DOCK1: variants seen among roughly 807,000 people sequenced by gnomAD.
DOCK1 encodes the protein dedicator of cytokinesis 1.
A neutral mutation model predicts 262.7 loss-of-function variants in DOCK1; 138 were observed. That is an observed-to-expected ratio of 0.53 (90% confidence interval 0.46 to 0.61). The LOEUF is 0.61. DOCK1 is among the 20% of genes least tolerant of loss of function. The pLI, the probability that DOCK1 is intolerant of heterozygous loss-of-function variation, is 0.00. For synonymous variants in DOCK1, 866 were observed against 867.4 expected (o/e 1.00, Z 0.03); for missense variants, 1,908 against 2,370.7 (o/e 0.80, Z 4.05).
intron 23 of DOCK1, among the ~76,000 whole-genome samples, chr10:127,081,440 G>A (rs542702046): frequency 2.6e-4 from 39 of 151,114 alleles, no homozygotes; most frequent in African/African-American, 9.0e-4. Context: ...TACGTTTAAT[G>A]CTTCTGTTGT....
chr10:126,996,598 G>A, intron 6 of DOCK1, 150 bp from the exon 7 acceptor site: 1 of 575,672 alleles, frequency 1.7e-6, no homozygotes, highest in Non-Finnish European at 2.7e-6. Flanking sequence ...AAAGAAAGCA[G>A]CCTCCAAGAA....
intron 23 of DOCK1, among the ~76,000 whole-genome samples, chr10:127,073,763 A>G (rs1270226005): frequency 1.3e-5 from 2 of 152,262 alleles, no homozygotes; most frequent in African/African-American, 4.8e-5. Flanking sequence ...GTAGAGCTTC[A>G]TAATGCAGAA....
At chr10:127,010,766 T>C (rs1259371278) in intron 11 of DOCK1, among the ~76,000 whole-genome samples, 1 of 152,226 alleles carries the variant, frequency 6.6e-6, no homozygotes, top group Non-Finnish European at 1.5e-5. Context: ...AAATACACCT[T>C]TGTAAAATTA....
chr10:126,960,791 T>TACAC (rs1176439067), intron 1 of DOCK1, among the ~76,000 whole-genome samples: 26 of 140,820 alleles, frequency 1.8e-4, no homozygotes, highest in African/African-American at 6.7e-4. Context: ...TATGTGTATA[T>TACAC]ACACACACAC....
intron 27 of DOCK1, among the ~76,000 whole-genome samples, chr10:127,239,621 A>G (rs984540529): frequency 6.6e-6 from 1 of 152,146 alleles, no homozygotes; most frequent in Admixed American, 6.5e-5. Context: ...CAGTTTAAAA[A>G]CACGTATAGA....
At chr10:127,219,385 A>G (rs2058336573) in intron 27 of DOCK1, among the ~76,000 whole-genome samples, 1 of 152,142 alleles carries the variant, frequency 6.6e-6, no homozygotes, top group South Asian at 2.1e-4. Context: ...CAGTTGGCCT[A>G]CTTGCTTAGG....
intron 29 of DOCK1, among the ~76,000 whole-genome samples, chr10:127,328,099 C>T (rs1041975401): frequency 3.5e-5 from 5 of 143,488 alleles, no homozygotes; most frequent in African/African-American, 1.3e-4. Context: ...GTAGCAAGCA[C>T]CTAGGCTCCT....
intron 37 of DOCK1, among the ~76,000 whole-genome samples, chr10:127,383,635 G>T (rs562789146): frequency 6.4e-4 from 97 of 152,328 alleles, no homozygotes; most frequent in African/African-American, 2.3e-3. Flanking sequence ...CCCAGCCCGT[G>T]GTTTCAGGAA....
chr10:127,027,749 T>C (rs2042966685), intron 16 of DOCK1, among the ~76,000 whole-genome samples: 1 of 151,546 alleles, frequency 6.6e-6, no homozygotes, highest in South Asian at 2.1e-4. Flanking sequence ...CACCTGACTA[T>C]TTCTGGGGCC....
intron 40 of DOCK1, 65 bp downstream of exon 40, chr10:127,404,494 T>C (rs985556242): frequency 2.0e-6 from 3 of 1,479,656 alleles, no homozygotes; most frequent in Non-Finnish European, 2.8e-6. Context: ...CCCTTCCCGT[T>C]CTGAGGAAGG....
Position 127,452,150 on chromosome 10 carries a change from G to A in DOCK1, c.*723G>A, listed in dbSNP as rs2071005823. 1 of 152,616 alleles carries A rather than the reference G, an allele frequency of 6.6e-6. No homozygotes were observed. Among genetic ancestry groups the A allele is most frequent in the Admixed American group, 6.5e-5 (1 of 15,276 alleles). The allele number at this position is 152,616 out of a possible 1,614,324, so 9.5% of individuals were successfully genotyped here. A position where few individuals can be genotyped will look rare whatever the true frequency, so the allele number is the denominator to read the frequency against. ...TACCACAAGAGCTGGTTTTAATTGG[G>A]TGAATTGTTTTTGTCCTCATTCTGT... is the stretch of plus-strand genomic sequence containing the variant. On this transcript the variant is annotated 3_prime_UTR_variant, in exon 52 of 52. Transcript: ENST00000623213.
chr10:127,122,884 C>G (rs1046917971), intron 25 of DOCK1, among the ~76,000 whole-genome samples: 2 of 152,094 alleles, frequency 1.3e-5, no homozygotes, highest in South Asian at 2.1e-4. Flanking sequence ...CAGAGTAATT[C>G]TAACAAATGA....
At chr10:127,057,363 A>G (rs184311192) in intron 22 of DOCK1, among the ~76,000 whole-genome samples, 8 of 152,354 alleles carry the variant, frequency 5.3e-5, no homozygotes, top group Admixed American at 1.3e-4. Context: ...CTATAGTGCA[A>G]TAGCTTTGTT....
intron 49 of DOCK1, among the ~76,000 whole-genome samples, chr10:127,441,749 C>G (rs2070164889): frequency 1.3e-5 from 2 of 151,856 alleles, no homozygotes; most frequent in South Asian, 4.2e-4. Context: ...CGGGCCTCCC[C>G]TGCACCCCAG....
intron 47 of DOCK1, among the ~76,000 whole-genome samples, chr10:127,426,723 C>G (rs1003538398): frequency 6.6e-6 from 1 of 152,118 alleles, no homozygotes; most frequent in Non-Finnish European, 1.5e-5. Context: ...TGGAAAGGCA[C>G]CCAACCTCCA....
chr10:127,052,533 A>G, intron 21 of DOCK1, 148 bp from the exon 22 acceptor site: 1 of 1,253,666 alleles, frequency 8.0e-7, no homozygotes. Flanking sequence ...AACAAAAAAA[A>G]AAAAAAAGAG....
chr10:127,101,195 T>C (rs1369053456), intron 23 of DOCK1, among the ~76,000 whole-genome samples: 1 of 151,896 alleles, frequency 6.6e-6, no homozygotes, highest in Non-Finnish European at 1.5e-5. Context: ...TGTGGTGGCT[T>C]TTGTTTTTCT....
Position 127,175,691 on chromosome 10 carries a change from T to G in DOCK1, c.2847+47927T>G. 1 of 1,613,882 alleles carries G rather than the reference T, an allele frequency of 6.2e-7. No homozygotes were observed. Among genetic ancestry groups the G allele is most frequent in the East Asian group, 2.2e-5 (1 of 44,862 alleles). ...CAGGTGGAGCGGGCTCCTCGGAGTT[T>G]GGCCTCCCCCGGTCCTGCTTGGCCC... On this transcript the variant is annotated intron_variant, in intron 27 of 51. Transcript: ENST00000623213. This position sits in a 1 kb window ranked among gnomAD's most constrained non-coding sequence, Gnocchi z 6.3.
At chr10:127,300,945 G>A (rs1415558114) in intron 29 of DOCK1, among the ~76,000 whole-genome samples, 3 of 152,212 alleles carry the variant, frequency 2.0e-5, no homozygotes, top group Non-Finnish European at 2.9e-5. Flanking sequence ...GGGCGCATCC[G>A]CTCACTGTAA....
Sources: allele counts gnomAD v4.1 joint callset (sites outside exome capture counted in the v4.1 genomes callset), GRCh38; gene constraint gnomAD v4.1.1; non-coding constraint Gnocchi (gnomAD v3.1); transcripts MANE v1.5; gene names NCBI Gene and HGNC (gene_info 2026-07-23, HGNC 2026-07-21).